The following GRXCR1 variants were observed in gnomAD, a reference collection of about 807,000 sequenced individuals.
The protein encoded by GRXCR1 is glutaredoxin and cysteine rich domain containing 1.
Under a neutral mutation model 27.3 loss-of-function variants are expected in GRXCR1, and 27 were observed. That is an observed-to-expected ratio of 0.99 (90% CI 0.73 to 1.37). The LOEUF (loss-of-function observed/expected upper bound fraction) is 1.37, where lower values mean the gene tolerates loss of function less well. Among genes scored for constraint, GRXCR1 ranks in the 40% most tolerant of loss-of-function variants. GRXCR1 has a pLI of 0.00. For missense variants in GRXCR1, 379 were observed against 354.4 expected, an observed-to-expected ratio of 1.07 and a Z score of -0.56; for synonymous variants, 122 against 131.1, an observed-to-expected ratio of 0.93 and a Z score of 0.47.
chr4:42,950,387 G>A (rs374010199), intron 1 of GRXCR1, among the ~76,000 whole-genome samples: 125 of 152,268 alleles, frequency 8.2e-4, no homozygotes, highest in African/African-American at 2.5e-3. Context: ...ACTGTTGTAA[G>A]CTCATAATTT....
At position 42,962,771 on chromosome 4, in the gene GRXCR1, T is replaced by G; in HGVS notation, c.385-121T>G. The G allele has an allele frequency of 2.8e-6, 3 of 1,084,408 alleles. No individual in the cohort carries two copies. In the South Asian group the frequency reaches 3.8e-5, roughly 14 times the overall value. The allele number at this position is 1,084,408 out of a possible 1,614,324, so 67.2% of individuals were successfully genotyped here. Reference sequence around the variant, plus strand: ...TAACTTAAAAAGGTAAGTCTTTGAATTGACAAATGTGTTCATTCAATTTTA... The same window carrying G: ...TAACTTAAAAAGGTAAGTCTTTGAAGTGACAAATGTGTTCATTCAATTTTA... On this transcript the variant is annotated intron_variant, in intron 1 of 3. Coordinates refer to ENST00000399770, the MANE Select transcript of GRXCR1 (RefSeq NM_001080476.3).
chr4:42,988,872 G>A (rs1388056321), intron 2 of GRXCR1, among the ~76,000 whole-genome samples: 1 of 152,154 alleles, frequency 6.6e-6, no homozygotes, highest in Non-Finnish European at 1.5e-5. Flanking sequence ...AGATCAATAA[G>A]AAAGTTATCA....
At chr4:42,934,752 G>C (rs1747417730) in intron 1 of GRXCR1, among the ~76,000 whole-genome samples, 1 of 152,044 alleles carries the variant, frequency 6.6e-6, no homozygotes, top group African/African-American at 2.4e-5. Flanking sequence ...ATATATAACA[G>C]CTAAGTCTAG....
intron 2 of GRXCR1, among the ~76,000 whole-genome samples, chr4:42,995,011 A>G (rs1712097935): frequency 6.6e-6 from 1 of 152,182 alleles, no homozygotes; most frequent in African/African-American, 2.4e-5. Context: ...TTATGGTGAC[A>G]TTCACAATAA....
At chr4:42,941,579 C>G (rs914843356) in intron 1 of GRXCR1, among the ~76,000 whole-genome samples, 1 of 151,908 alleles carries the variant, frequency 6.6e-6, no homozygotes, top group Non-Finnish European at 1.5e-5. Context: ...TTAATCCACC[C>G]CTCTTATTTA....
intron 2 of GRXCR1, among the ~76,000 whole-genome samples, chr4:42,981,040 A>G (rs958812099): frequency 6.6e-6 from 1 of 151,642 alleles, no homozygotes; most frequent in Non-Finnish European, 1.5e-5. Context: ...AATTATTGAT[A>G]GATAATACTA....
intron 1 of GRXCR1, among the ~76,000 whole-genome samples, chr4:42,901,044 G>A (rs905182725): frequency 9.9e-5 from 15 of 152,118 alleles, no homozygotes; most frequent in African/African-American, 2.9e-4. Context: ...CCAAGGTTCT[G>A]TTGCTTCTAA....
chr4:42,919,284 A>G (rs1746954750), intron 1 of GRXCR1, among the ~76,000 whole-genome samples: 1 of 152,004 alleles, frequency 6.6e-6, no homozygotes, highest in African/African-American at 2.4e-5. Context: ...TAAATCCATG[A>G]CCAGGGGTTC....
chr4:42,927,172 G>A (rs1158328517), intron 1 of GRXCR1, among the ~76,000 whole-genome samples: 1 of 152,004 alleles, frequency 6.6e-6, no homozygotes. Context: ...TTAGTTTCCA[G>A]GGAAGGGGTA....
chr4:42,941,833 T>C (rs559489440), intron 1 of GRXCR1, among the ~76,000 whole-genome samples: 1 of 152,100 alleles, frequency 6.6e-6, no homozygotes, highest in African/African-American at 2.4e-5. Flanking sequence ...AAGACAAAAT[T>C]ATCCCCACTA....
intron 1 of GRXCR1, among the ~76,000 whole-genome samples, chr4:42,922,984 C>A (rs1484079934): frequency 6.6e-6 from 1 of 152,098 alleles, no homozygotes; most frequent in Non-Finnish European, 1.5e-5. Flanking sequence ...TTTCCTTGGT[C>A]AAAATAGTCA....
chr4:42,902,755 G>C (rs1746489804), intron 1 of GRXCR1, among the ~76,000 whole-genome samples: 1 of 152,106 alleles, frequency 6.6e-6, no homozygotes, highest in Non-Finnish European at 1.5e-5. Context: ...CTAGGTGATG[G>C]GATGATCTGT....
rs1049815071 is a variant in GRXCR1 at position 42,893,068 on chromosome 4, A to C, written c.-199A>C. On this transcript the variant is annotated 5_prime_UTR_variant, in exon 1 of 4. Coordinates refer to ENST00000399770, the MANE Select transcript of GRXCR1 (RefSeq NM_001080476.3). ...TGCGGGTTTTAGTTTAAAGGTAACCATAGCACACACACACACATTTATTAT... is the reference window on the plus strand; with the variant it reads ...TGCGGGTTTTAGTTTAAAGGTAACCCTAGCACACACACACACATTTATTAT... Among the ~76,000 whole-genome samples the C allele has an allele frequency of 6.6e-6, 1 of 152,146 alleles. No homozygotes were observed. Among genetic ancestry groups the C allele is most frequent in the African/African-American group, 2.4e-5 (1 of 41,450 alleles).
intron 2 of GRXCR1, 148 bp downstream of exon 2, chr4:42,963,282 C>A (rs564827401): frequency 1.1e-6 from 1 of 876,030 alleles, no homozygotes; most frequent in Non-Finnish European, 1.9e-6. Flanking sequence ...GCACTTATTT[C>A]TGTCCCAGAC....
intron 1 of GRXCR1, among the ~76,000 whole-genome samples, chr4:42,905,901 G>C (rs1282654509): frequency 1.3e-5 from 2 of 152,144 alleles, no homozygotes; most frequent in Non-Finnish European, 2.9e-5. Context: ...GAACAAACAA[G>C]CAACAGTGCC....
At chr4:43,024,121 A>AT (rs892135504) in intron 3 of GRXCR1, among the ~76,000 whole-genome samples, 5 of 141,948 alleles carry the variant, frequency 3.5e-5, no homozygotes, top group African/African-American at 1.1e-4. Flanking sequence ...TTGCCTTGTT[A>AT]TTTTTTTGAA....
At chr4:42,911,265 C>A (rs949888058) in intron 1 of GRXCR1, among the ~76,000 whole-genome samples, 1 of 152,020 alleles carries the variant, frequency 6.6e-6, no homozygotes, top group African/African-American at 2.4e-5. Context: ...GCAATTGAAG[C>A]ATGAATATAT....
intron 2 of GRXCR1, among the ~76,000 whole-genome samples, chr4:43,005,539 C>T (rs1027413933): frequency 5.3e-5 from 8 of 152,068 alleles, no homozygotes; most frequent in African/African-American, 1.9e-4. Flanking sequence ...CTGTATCATC[C>T]AACTTTATGT....
At chr4:42,987,222 T>TATTATATTATATATA (rs369022273) in intron 2 of GRXCR1, among the ~76,000 whole-genome samples, 1 of 100,594 alleles carries the variant, frequency 9.9e-6, no homozygotes, top group African/African-American at 3.8e-5. Context: ...TATATATATA[T>TATTATATTATATATA]TATATATTAT....
Sources: allele counts gnomAD v4.1 joint callset (sites outside exome capture counted in the v4.1 genomes callset), GRCh38; gene constraint gnomAD v4.1.1; transcripts MANE v1.5; gene names NCBI Gene and HGNC (gene_info 2026-07-23, HGNC 2026-07-21).